Variants in IPO11 observed in about 807,000 individuals in gnomAD.
IPO11 encodes importin-11.
In IPO11, 66 loss-of-function variants were observed where a neutral mutation model predicts 143.2. That is an observed-to-expected ratio of 0.46 (90% confidence interval 0.38 to 0.57). The LOEUF is 0.57. IPO11 is among the 20% of genes least tolerant of loss of function. IPO11 has a pLI of 0.00. For missense variants in IPO11, 1,026 were observed against 1,141.0 expected, an observed-to-expected ratio of 0.90 and a Z score of 1.45; for synonymous variants, 385 against 377.8, an observed-to-expected ratio of 1.02 and a Z score of -0.22.
chr5:62,524,927 T>C (rs1742319189), intron 20 of IPO11, among the ~76,000 whole-genome samples: 1 of 152,196 alleles, frequency 6.6e-6, no homozygotes, highest in African/African-American at 2.4e-5. Context: ...AAATTATAGA[T>C]ATTATTATGT....
intron 16 of IPO11, among the ~76,000 whole-genome samples, chr5:62,501,001 A>G (rs1741327071): frequency 6.6e-6 from 1 of 152,188 alleles, no homozygotes; most frequent in East Asian, 1.9e-4. Flanking sequence ...GTGATGCATA[A>G]TTGTATTGAA....
At chr5:62,453,119 A>C (rs1745002545) in intron 5 of IPO11, among the ~76,000 whole-genome samples, 1 of 151,028 alleles carries the variant, frequency 6.6e-6, no homozygotes, top group African/African-American at 2.5e-5. Context: ...AAAAAAGAAG[A>C]GGGTGACATG....
intron 9 of IPO11, among the ~76,000 whole-genome samples, chr5:62,482,262 G>C (rs544669315): frequency 1.3e-5 from 2 of 152,080 alleles, no homozygotes; most frequent in African/African-American, 4.8e-5. Context: ...ATTTTTTGAA[G>C]GGTTTTTTTG....
chr5:62,470,136 C>A, intron 6 of IPO11, 114 bp from the exon 7 acceptor site: 1 of 973,780 alleles, frequency 1.0e-6, no homozygotes, highest in African/African-American at 1.6e-5. Context: ...GTTAACTTTC[C>A]AACCCAGATT....
intron 5 of IPO11, among the ~76,000 whole-genome samples, chr5:62,465,803 A>G (rs561081665): frequency 6.6e-6 from 1 of 152,310 alleles, no homozygotes; most frequent in African/African-American, 2.4e-5. Flanking sequence ...GCAGTTCATT[A>G]TTTAATTTGG....
At chr5:62,432,998 G>A (rs1039579872) in intron 1 of IPO11, among the ~76,000 whole-genome samples, 1 of 152,140 alleles carries the variant, frequency 6.6e-6, no homozygotes, top group Non-Finnish European at 1.5e-5. Flanking sequence ...GACACATTGG[G>A]AACATTCTGT....
intron 28 of IPO11, among the ~76,000 whole-genome samples, chr5:62,600,034 ATCT>A (rs1295553642): frequency 3.3e-5 from 5 of 151,974 alleles, no homozygotes; most frequent in Admixed American, 1.3e-4. Context: ...AATGTGATAA[ATCT>A]TCTTTTTTTG....
intron 1 of IPO11, among the ~76,000 whole-genome samples, chr5:62,420,221 A>G (rs1743458079): frequency 6.7e-6 from 1 of 149,002 alleles, no homozygotes; most frequent in Admixed American, 6.7e-5. Context: ...AACCCGGGCG[A>G]TGGAGGTTTC....
chr5:62,572,341 G>A (rs929056451), intron 27 of IPO11, among the ~76,000 whole-genome samples: 1 of 152,058 alleles, frequency 6.6e-6, no homozygotes, highest in South Asian at 2.1e-4. Flanking sequence ...TAGAAATCAA[G>A]TGCATTTATT....
At chr5:62,444,090 T>C (rs1744613865) in intron 3 of IPO11, among the ~76,000 whole-genome samples, 1 of 147,860 alleles carries the variant, frequency 6.8e-6, no homozygotes, top group African/African-American at 2.5e-5. Context: ...AGCAGACATG[T>C]CTTTTTCTTT....
At chr5:62,525,368 T>G (rs73108014) in intron 20 of IPO11, among the ~76,000 whole-genome samples, 13,856 of 149,278 alleles carry the variant, frequency 0.093, 766 homozygotes, top group African/African-American at 0.14. Context: ...TTTTTTTTTT[T>G]TGTGTGTGTG....
At chr5:62,624,584 C>G (rs542308032) in intron 29 of IPO11, among the ~76,000 whole-genome samples, 3 of 152,254 alleles carry the variant, frequency 2.0e-5, no homozygotes, top group South Asian at 2.1e-4. Context: ...TCTTTATGAC[C>G]TGTATCTTGT....
intron 29 of IPO11, among the ~76,000 whole-genome samples, chr5:62,605,099 T>A (rs1013825592): frequency 2.4e-4 from 36 of 152,230 alleles, no homozygotes; most frequent in African/African-American, 8.4e-4. Flanking sequence ...AGCAAAGGCT[T>A]TTCTCATTTT....
chr5:62,469,680 G>GT (rs1275428590), intron 6 of IPO11, among the ~76,000 whole-genome samples: 1 of 152,126 alleles, frequency 6.6e-6, no homozygotes, highest in Non-Finnish European at 1.5e-5. Flanking sequence ...TATTACAACT[G>GT]TAGACAATAG....
intron 26 of IPO11, among the ~76,000 whole-genome samples, chr5:62,560,226 C>T (rs1231117339): frequency 6.6e-6 from 1 of 152,104 alleles, no homozygotes; most frequent in East Asian, 1.9e-4. Context: ...TAATCAGAAG[C>T]CATCATATTG....
At chr5:62,542,019 C>T (rs528466312) in intron 24 of IPO11, among the ~76,000 whole-genome samples, 1 of 152,022 alleles carries the variant, frequency 6.6e-6, no homozygotes, top group African/African-American at 2.4e-5. Flanking sequence ...TTGATTCCAG[C>T]CTTCTGCACA....
intron 22 of IPO11, among the ~76,000 whole-genome samples, chr5:62,536,309 GT>G (rs963470167): frequency 3.3e-5 from 5 of 150,748 alleles, no homozygotes; most frequent in African/African-American, 4.9e-5. Context: ...TAGTTAGGTG[GT>G]TTTTTTTTCT....
In IPO11 at chr5:62,449,933, C is replaced by T; in HGVS notation, c.246C>T (p.Leu82=). ...RYWRRVAPHA[L]SEEEKTTLRA... ...TACTTTTTTTTTTTTACAGTGCTCT[C>T]TCAGAGGAGGAGAAAACTACTCTGC... Residue 82 remains leucine (L), a synonymous_variant, in exon 4 of 30, where the codon CTC becomes CTT. Coordinates refer to ENST00000325324, the MANE Select transcript of IPO11 (RefSeq NM_016338.5). 3.8e-6 allele frequency: 6 copies of T among 1,573,804 alleles called. No homozygotes were observed. The highest frequency in any genetic ancestry group is 3.4e-6 in the Non-Finnish European group (4 of 1,161,852).
Position 62,469,564 on chromosome 5 carries a change from A to G in IPO11, c.650-686A>G, listed in dbSNP as rs572896640. 1.6e-4 allele frequency among the ~76,000 whole-genome samples: 25 copies of G among 152,328 alleles called. No individual in the cohort carries two copies. In the East Asian group the frequency reaches 3.5e-3, roughly 21 times the overall value. On this transcript the variant is annotated intron_variant, in intron 6 of 29. Coordinates refer to ENST00000325324, the MANE Select transcript of IPO11 (RefSeq NM_016338.5). ...TCCTTATTGTTGCTAAATAATTGCT[A>G]TATTTTACATATACCATGGAATCCA... is the stretch of plus-strand genomic sequence containing the variant.
Sources: allele counts gnomAD v4.1 joint callset (sites outside exome capture counted in the v4.1 genomes callset), GRCh38; gene constraint gnomAD v4.1.1; transcripts MANE v1.5; gene names NCBI Gene and HGNC (gene_info 2026-07-23, HGNC 2026-07-21).